TNRC18: variants seen among roughly 807,000 people sequenced by gnomAD.
TNRC18 encodes the protein trinucleotide repeat containing 18.
Under a neutral mutation model 226.7 loss-of-function variants are expected in TNRC18, and 69 were observed. The observed-to-expected ratio is 0.30, with a 90% CI of 0.25 to 0.37. The LOEUF (loss-of-function observed/expected upper bound fraction) is 0.37. TNRC18 is among the 10% of genes least tolerant of loss of function. The pLI is 1.00. For synonymous variants in TNRC18, 2,449 were observed against 1,927.6 expected, an observed-to-expected ratio of 1.27 and a Z score of -7.09; for missense variants, 4,754 against 4,256.6, an observed-to-expected ratio of 1.12 and a Z score of -3.25.
chr7:5,413,793 A>G (rs1781988349), intron 2 of TNRC18, among the ~76,000 whole-genome samples: 1 of 152,236 alleles, frequency 6.6e-6, no homozygotes, highest in African/African-American at 2.4e-5. Flanking sequence ...TAGGCCTCCC[A>G]AAGTGGTGGG....
chr7:5,380,644 C>T (rs1241306067), intron 5 of TNRC18, among the ~76,000 whole-genome samples: 1 of 152,180 alleles, frequency 6.6e-6, no homozygotes, highest in East Asian at 1.9e-4. Context: ...ATCAACGTAG[C>T]TCCTGTATCA....
At chr7:5,417,810 G>A (rs947008136) in intron 2 of TNRC18, among the ~76,000 whole-genome samples, 2 of 152,092 alleles carry the variant, frequency 1.3e-5, no homozygotes, top group Non-Finnish European at 2.9e-5. Context: ...CTTGCAAATC[G>A]TCCTTATCTC....
At chr7:5,382,531 G>C (rs1779469476) in intron 5 of TNRC18, among the ~76,000 whole-genome samples, 1 of 151,894 alleles carries the variant, frequency 6.6e-6, no homozygotes, top group South Asian at 2.1e-4. Context: ...TTGCTCTCCA[G>C]GGGTCCGGGG....
intron 8 of TNRC18, among the ~76,000 whole-genome samples, chr7:5,376,546 C>A (rs1303135791): frequency 6.6e-6 from 1 of 152,220 alleles, no homozygotes; most frequent in Admixed American, 6.5e-5. Context: ...CCCACCCCTC[C>A]CAGTGGTCTA....
rs1344762754 is a variant in TNRC18 at position 5,332,863 on chromosome 7, C to T, written c.5906G>A (p.Arg1969His). ...GGGGCCCCGCAGCTTCCGGGCCTTG[C>T]GCCCCTTCTCCACCGCCAGCTTGGC... is the stretch of plus-strand genomic sequence containing the variant. ...DKAKLAVEKG[R>H]KARKLRGPKE... Residue 1969 changes from arginine (R) to histidine (H), a missense_variant, in exon 19 of 30, where the codon CGC (arginine) becomes CAC (histidine). Arg to His is a conservative substitution (Grantham distance 29, BLOSUM62 0). Transcript: ENST00000430969. 1 of 1,511,622 alleles carries T rather than the reference C, an allele frequency of 6.6e-7. No homozygotes were observed. The highest frequency in any genetic ancestry group is 2.2e-5 in the Admixed American group (1 of 45,666). 93.6% of individuals were successfully genotyped at this position (1,511,622 alleles called of 1,614,324 possible). A position where few individuals can be genotyped will look rare whatever the true frequency, so the allele number is the denominator to read the frequency against.
chr7:5,368,424 T>A lies in TNRC18; in HGVS notation c.4219+1951A>T, dbSNP rs138840494. On this transcript the variant is annotated intron_variant, in intron 11 of 29. Coordinates refer to ENST00000430969, the MANE Select transcript of TNRC18 (RefSeq NM_001080495.3). ...ACGCCTGTAATCCCAGCACTTTGGGTGGCCAAGGCGGGTGGATCACTTGAG... is the reference window on the plus strand; with the variant it reads ...ACGCCTGTAATCCCAGCACTTTGGGAGGCCAAGGCGGGTGGATCACTTGAG... Among the ~76,000 whole-genome samples, 1,094 of 150,512 alleles carry A rather than the reference T, an allele frequency of 7.3e-3. 13 individuals carry two copies. Among genetic ancestry groups the A allele is most frequent in the African/African-American group, 0.02 (824 of 40,960 alleles).
intron 9 of TNRC18, 106 bp from the exon 10 acceptor site, chr7:5,374,590 C>A (rs1221478384): frequency 1.7e-6 from 2 of 1,199,298 alleles, no homozygotes; most frequent in Non-Finnish European, 2.2e-6. Flanking sequence ...AGGAGAACCT[C>A]ATGCAGGGCC....
intron 9 of TNRC18, 106 bp from the exon 10 acceptor site, chr7:5,374,590 C>G: frequency 1.7e-6 from 2 of 1,199,416 alleles, no homozygotes; most frequent in Non-Finnish European, 2.2e-6. Flanking sequence ...AGGAGAACCT[C>G]ATGCAGGGCC....
chr7:5,417,283 C>G (rs776224164), intron 2 of TNRC18, among the ~76,000 whole-genome samples: 1 of 152,140 alleles, frequency 6.6e-6, no homozygotes, highest in Non-Finnish European at 1.5e-5. Flanking sequence ...GCCGGGGCAA[C>G]ATAGCAAGAC....
intron 19 of TNRC18, among the ~76,000 whole-genome samples, chr7:5,328,742 C>T (rs1301714435): frequency 2.0e-5 from 3 of 151,764 alleles, no homozygotes; most frequent in Non-Finnish European, 4.4e-5. Flanking sequence ...GAACTCCTGA[C>T]CTCGTGATCC....
chr7:5,415,415 C>T (rs976839574), intron 2 of TNRC18, among the ~76,000 whole-genome samples: 44 of 135,126 alleles, frequency 3.3e-4, no homozygotes, highest in Admixed American at 6.7e-4. Context: ...CTGTCTCTGT[C>T]GCCCAGGCTG....
Position 5,356,999 on chromosome 7 carries a change from T to G in TNRC18, c.5111A>C (p.Lys1704Thr). The change falls in exon 16 of 30, where the codon AAG (lysine) becomes ACG (threonine). Residue 1704 changes from lysine to threonine, a missense_variant. Coordinates refer to ENST00000430969, the MANE Select transcript of TNRC18 (RefSeq NM_001080495.3). ...GKHKRAAKTRKMEVGFKARGQ... is the reference protein window; with the variant it reads ...GKHKRAAKTRTMEVGFKARGQ... Reference sequence around the variant, plus strand: ...TCTGGCCTTGAACCCCACCTCCATCTTCCTGGTTTTGGCTGCCCTTTTGTG... The same window carrying G: ...TCTGGCCTTGAACCCCACCTCCATCGTCCTGGTTTTGGCTGCCCTTTTGTG... 6.4e-7 allele frequency: 1 copy of G among 1,552,334 alleles called. No individual in the cohort carries two copies. Among genetic ancestry groups the G allele is most frequent in the Non-Finnish European group, 8.7e-7 (1 of 1,147,134 alleles).
chr7:5,420,762 C>G lies in TNRC18; in HGVS notation c.187+298G>C, dbSNP rs1451893612. 3 of 636,432 alleles carry G rather than the reference C, an allele frequency of 4.7e-6. No homozygotes were observed. The Admixed American group carries it at 6.3e-5, about 13-fold the overall frequency. 39.4% of individuals were successfully genotyped at this position (636,432 alleles called of 1,614,324 possible). ...CAGATTTTGAAAACTCCAGCCCAGG[C>G]TCGTGCCGCCGGGGCCCCGGGGATT... On this transcript the variant is annotated intron_variant, in intron 2 of 29. Transcript: ENST00000430969.
intron 3 of TNRC18, among the ~76,000 whole-genome samples, chr7:5,392,154 T>C (rs1780347633): frequency 6.6e-6 from 1 of 152,088 alleles, no homozygotes; most frequent in African/African-American, 2.4e-5. Context: ...ATACCTGTTC[T>C]CTCATCCAAT....
In TNRC18 at chr7:5,352,072, T is replaced by C. The variant is rs774408504; in HGVS notation, c.5217A>G (p.Glu1739=). 5.0e-6 allele frequency: 8 copies of C among 1,609,502 alleles called. No individual in the cohort carries two copies. Among genetic ancestry groups the C allele is most frequent in the African/African-American group, 2.7e-5 (2 of 74,780 alleles). Residue 1739 remains glutamate, a synonymous_variant, in exon 17 of 30, where the codon GAA becomes GAG. Transcript: ENST00000430969. ...CGGGCCACTCGTCCTTCAGGAATTCTTCGTCTTCCTCTGAGTCCGTATCTG... is the reference window on the plus strand; with the variant it reads ...CGGGCCACTCGTCCTTCAGGAATTCCTCGTCTTCCTCTGAGTCCGTATCTG... The part of the protein sequence containing the change: ...YSYNTDSEED[E]EFLKDEWPAQ...
At position 5,376,949 on chromosome 7, in the gene TNRC18, G is replaced by T; in HGVS notation, c.2506C>A (p.Pro836Thr). The T allele has an allele frequency of 6.3e-7, 1 of 1,592,522 alleles. No homozygotes were observed. Among genetic ancestry groups the T allele is most frequent in the Non-Finnish European group, 8.5e-7 (1 of 1,169,852 alleles). ...GGGAGGGAGCCCCCCAGGCCAGGTG[G>T]GAACGCAGGGGCCATGCCCTGGTGC... ...SLHQGMAPAF[P>T]PGLGGSLPSA... The change falls in exon 8 of 30, where the codon CCA (proline) becomes ACA (threonine). Residue 836 changes from proline to threonine, a missense_variant. By Grantham distance (38) the Pro-to-Thr change is conservative. Coordinates refer to ENST00000430969, the MANE Select transcript of TNRC18 (RefSeq NM_001080495.3).
At chr7:5,403,812 A>T (rs1781277349) in intron 2 of TNRC18, among the ~76,000 whole-genome samples, 2 of 151,594 alleles carry the variant, frequency 1.3e-5, no homozygotes, top group South Asian at 4.2e-4. Flanking sequence ...AAAAAACTGC[A>T]TCCCTTAAAA....
Position 5,332,679 on chromosome 7 carries a change from G to A in TNRC18, c.6090C>T (p.Gly2030=). Residue 2030 remains glycine, a synonymous_variant, in exon 19 of 30, where the codon GGC becomes GGT. Transcript: ENST00000430969. ...ATKTSRCAKG[G]PLSPRKDAGR... is the part of the protein sequence containing the mutation. ...CGGCGTCCTTGCGCGGGCTCAGGGG[G>A]CCGCCCTTGGCGCAGCGGCTGGTCT... The A allele has an allele frequency of 1.3e-6, 2 of 1,529,454 alleles. No homozygotes were observed. Among genetic ancestry groups the A allele is most frequent in the East Asian group, 2.6e-5 (1 of 39,192 alleles). 94.7% of individuals were successfully genotyped at this position (1,529,454 alleles called of 1,614,324 possible).
intron 11 of TNRC18, among the ~76,000 whole-genome samples, chr7:5,370,128 C>T (rs1794006065): frequency 6.6e-6 from 1 of 151,952 alleles, no homozygotes; most frequent in African/African-American, 2.4e-5. Context: ...CCAGACTGGG[C>T]AACAGAGCAA....
Sources: allele counts gnomAD v4.1 joint callset (sites outside exome capture counted in the v4.1 genomes callset), GRCh38; gene constraint gnomAD v4.1.1; transcripts MANE v1.5; gene names NCBI Gene and HGNC (gene_info 2026-07-23, HGNC 2026-07-21).